The following UNC5A variants were observed in gnomAD, a reference collection of about 807,000 sequenced individuals.
UNC5A encodes the protein netrin receptor UNC5A.
In UNC5A, 20 loss-of-function variants were observed where a neutral mutation model predicts 87.4. That is an observed-to-expected ratio of 0.23 (90% CI 0.16 to 0.33). The LOEUF (loss-of-function observed/expected upper bound fraction) is 0.33. Among genes scored for constraint, UNC5A ranks in the 10% least tolerant of loss-of-function variants. The pLI, the probability that UNC5A is intolerant of heterozygous loss-of-function variation, is 1.00. For synonymous variants in UNC5A, 438 were observed against 482.3 expected (o/e 0.91, Z 1.20); for missense variants, 844 against 1,133.4 (o/e 0.74, Z 3.67).
chr5:176,873,893 G>C, intron 6 of UNC5A, 75 bp from the exon 7 acceptor site: 1 of 1,509,614 alleles, frequency 6.6e-7, no homozygotes, highest in Non-Finnish European at 9.0e-7. Flanking sequence ...CATCCTCCTG[G>C]GGTGCAGACC....
chr5:176,815,717 C>G (rs1031698221), intron 1 of UNC5A, among the ~76,000 whole-genome samples: 1 of 152,224 alleles, frequency 6.6e-6, no homozygotes, highest in Non-Finnish European at 1.5e-5. Flanking sequence ...CGAGCCCAGA[C>G]ACAGGAGAAA....
rs1756794080 is a variant in UNC5A at position 176,824,114 on chromosome 5, C to T, written c.70+13294C>T. On this transcript the variant is annotated intron_variant, in intron 1 of 14. Transcript: ENST00000329542. The surrounding 1 kb of genome is among the most constrained non-coding windows in gnomAD (Gnocchi z 4.2). ...GAGCCAGTCAGGATCCTTGCCAGGGCTTCTCCCGCCTGGAGGCGGAGGTGC... is the reference window on the plus strand; with the variant it reads ...GAGCCAGTCAGGATCCTTGCCAGGGTTTCTCCCGCCTGGAGGCGGAGGTGC... 1.3e-5 allele frequency among the ~76,000 whole-genome samples: 2 copies of T among 152,262 alleles called. No homozygotes were observed. The highest frequency in any genetic ancestry group is 4.8e-5 in the African/African-American group (2 of 41,470).
At chr5:176,834,437 A>G (rs1757099968) in intron 1 of UNC5A, among the ~76,000 whole-genome samples, 2 of 152,172 alleles carry the variant, frequency 1.3e-5, no homozygotes, top group Admixed American at 6.5e-5. Context: ...AGGAGGGGCC[A>G]TTCATTTAAA....
At chr5:176,829,080 G>A (rs11135002) in intron 1 of UNC5A, among the ~76,000 whole-genome samples, 124,600 of 150,614 alleles carry the variant, frequency 0.83, 54,379 homozygotes, top group Non-Finnish European at 0.96. Context: ...TGCAGTGAGC[G>A]GAGATCGCGC....
chr5:176,835,753 G>GCA (rs904546480), intron 1 of UNC5A, among the ~76,000 whole-genome samples: 5 of 151,618 alleles, frequency 3.3e-5, no homozygotes, highest in African/African-American at 1.2e-4. Flanking sequence ...GTGTGTGTGT[G>GCA]TGTGTGTGTC....
chr5:176,880,711 G>A lies in UNC5A; in HGVS notation c.*825G>A, dbSNP rs924231760. On this transcript the variant is annotated 3_prime_UTR_variant, in exon 15 of 15. Coordinates refer to ENST00000329542, the MANE Select transcript of UNC5A (RefSeq NM_133369.3). The stretch of plus-strand genomic sequence containing the variant: ...GTGGTGAGTGTGTGTGTGGCGTGGC[G>A]TGCCCGTCCCCAGGGCTGGCTGGTG... 4.7e-5 allele frequency: 9 copies of A among 190,664 alleles called. No individual in the cohort carries two copies. Among genetic ancestry groups the A allele is most frequent in the East Asian group, 1.6e-4 (1 of 6,222 alleles). The allele number at this position is 190,664 out of a possible 1,614,324, so 11.8% of individuals were successfully genotyped here.
chr5:176,842,746 G>A (rs1010170907), intron 1 of UNC5A, among the ~76,000 whole-genome samples: 7 of 152,124 alleles, frequency 4.6e-5, no homozygotes, highest in Admixed American at 4.6e-4. Context: ...TACAAATAGG[G>A]TATAGTGTAT....
At chr5:176,834,842 G>C (rs754623542) in intron 1 of UNC5A, among the ~76,000 whole-genome samples, 4 of 152,096 alleles carry the variant, frequency 2.6e-5, no homozygotes, top group Non-Finnish European at 4.4e-5. Context: ...TGGTGTCCCT[G>C]ATTACAACTC....
intron 1 of UNC5A, among the ~76,000 whole-genome samples, chr5:176,822,594 G>A (rs1428491668): frequency 6.6e-6 from 1 of 152,204 alleles, no homozygotes; most frequent in Non-Finnish European, 1.5e-5. Context: ...GAGCAGAGAG[G>A]TGGCAGAGGC....
At chr5:176,830,627 TGTGTGTGC>T (rs1756982678) in intron 1 of UNC5A, among the ~76,000 whole-genome samples, 3 of 141,802 alleles carry the variant, frequency 2.1e-5, no homozygotes, top group Admixed American at 2.1e-4. Flanking sequence ...CTGGCGTGTG[TGTGTGTGC>T]GCTGGCGTGT....
chr5:176,816,576 G>A (rs920078694), intron 1 of UNC5A, among the ~76,000 whole-genome samples: 2 of 152,274 alleles, frequency 1.3e-5, no homozygotes, highest in African/African-American at 4.8e-5. Flanking sequence ...AGGCCAGGCA[G>A]GTGCCTAGGC....
chr5:176,877,659 T>C lies in UNC5A; in HGVS notation c.1591T>C (p.Trp531Arg), dbSNP rs1382663689. The C allele has an allele frequency of 6.2e-7, 1 of 1,611,068 alleles. No individual in the cohort carries two copies. The highest frequency in any genetic ancestry group is 8.5e-7 in the Non-Finnish European group (1 of 1,178,562). The change falls in exon 10 of 15, where the codon TGG becomes CGG. Residue 531 changes from tryptophan to arginine, a missense_variant. Trp to Arg is a moderately radical substitution (Grantham distance 101). Around this residue, in one of 3 missense-constraint regions of UNC5A, gnomAD observed 353 missense variants for 387.5 expected, o/e 0.91. Coordinates refer to ENST00000329542, the MANE Select transcript of UNC5A (RefSeq NM_133369.3). ...CTGTGGGGAGCCCAGCCCTGACAGCTGGAGCCTGCGCCTCAAAAAGCAGTC... is the reference window on the plus strand; with the variant it reads ...CTGTGGGGAGCCCAGCCCTGACAGCCGGAGCCTGCGCCTCAAAAAGCAGTC... ...DHCGEPSPDS[W>R]SLRLKKQSCE... is the part of the protein sequence containing the mutation.
In UNC5A at chr5:176,841,428, C is replaced by T. The variant is rs1757274723; in HGVS notation, c.71-21196C>T. Among the ~76,000 whole-genome samples, 1 of 152,292 alleles carries T rather than the reference C, an allele frequency of 6.6e-6. No homozygotes were observed. Among genetic ancestry groups the T allele is most frequent in the Non-Finnish European group, 1.5e-5 (1 of 68,020 alleles). On this transcript the variant is annotated intron_variant, in intron 1 of 14. Coordinates refer to ENST00000329542, the MANE Select transcript of UNC5A (RefSeq NM_133369.3). This position sits in a 1 kb window ranked among gnomAD's most constrained non-coding sequence, Gnocchi z 4.1. ...GCAGCATAGCAGGGGACTTGGGGCA[C>T]AGACTGTGGAACCGGGCTGCCTGGC... is the stretch of plus-strand genomic sequence containing the variant.
chr5:176,840,102 G>T (rs889003191), intron 1 of UNC5A, among the ~76,000 whole-genome samples: 1 of 152,208 alleles, frequency 6.6e-6, no homozygotes, highest in South Asian at 2.1e-4. Context: ...AGCAGTCAGC[G>T]CACCTCGGCC....
intron 1 of UNC5A, among the ~76,000 whole-genome samples, chr5:176,859,491 AGAATG>A: frequency 3.6e-5 from 4 of 111,510 alleles, no homozygotes; most frequent in Admixed American, 8.4e-5. Context: ...CATAGCTGCT[AGAATG>A]CCCTTGCTAG....
chr5:176,850,860 G>A (rs1757524242), intron 1 of UNC5A, among the ~76,000 whole-genome samples: 2 of 152,188 alleles, frequency 1.3e-5, no homozygotes, highest in African/African-American at 4.8e-5. Context: ...GGGCAGTGGT[G>A]TATGTGCCCA....
intron 1 of UNC5A, among the ~76,000 whole-genome samples, chr5:176,853,949 T>G (rs1757605172): frequency 6.6e-6 from 1 of 152,218 alleles, no homozygotes; most frequent in South Asian, 2.1e-4. Context: ...ATTTGCCCGT[T>G]TCACAAATGA....
At chr5:176,811,148 C>G (rs909645116) in intron 1 of UNC5A, among the ~76,000 whole-genome samples, 2 of 152,218 alleles carry the variant, frequency 1.3e-5, no homozygotes, top group Admixed American at 6.5e-5. Context: ...CCCCAGGGAG[C>G]CTGACTTTGA....
At chr5:176,823,254 T>G in intron 1 of UNC5A, among the ~76,000 whole-genome samples, 1 of 147,142 alleles carries the variant, frequency 6.8e-6, no homozygotes, top group Admixed American at 6.8e-5. Flanking sequence ...AAACAGAAAA[T>G]AGATGGGGAG....
Sources: gnomAD v4.1 joint callset for allele counts (sites outside exome capture counted in the v4.1 genomes callset) on GRCh38, gnomAD v4.1.1 for gene constraint, gnomAD v4.1.1 regional missense constraint, Gnocchi (gnomAD v3.1) non-coding constraint, MANE v1.5 for transcripts, NCBI Gene and HGNC (gene_info 2026-07-23, HGNC 2026-07-21) for gene names.